SIPA1L2: variants seen among roughly 807,000 people sequenced by gnomAD.
The protein encoded by SIPA1L2 is signal-induced proliferation-associated 1-like protein 2.
In SIPA1L2, 56 loss-of-function variants were observed where a neutral mutation model predicts 163.9. The observed-to-expected ratio is 0.34, with a 90% confidence interval of 0.28 to 0.43. SIPA1L2 has a LOEUF of 0.43. Ranked by LOEUF, SIPA1L2 falls within the 20% of genes least tolerant of loss-of-function variation. The probability of loss-of-function intolerance (pLI) is 1.00; values close to 1 mark genes in which losing one functional copy is unlikely to be tolerated. For synonymous variants in SIPA1L2, 877 were observed against 865.7 expected (o/e 1.01, Z -0.23); for missense variants, 1,974 against 2,193.5 (o/e 0.90, Z 2.00).
intron 7 of SIPA1L2, among the ~76,000 whole-genome samples, chr1:232,474,916 T>C (rs1664965738): frequency 6.6e-6 from 1 of 152,190 alleles, no homozygotes; most frequent in Non-Finnish European, 1.5e-5. Context: ...TGTTAAATTA[T>C]TATTTTAAAC....
chr1:232,625,415 A>G (rs574821956), intron 1 of SIPA1L2, among the ~76,000 whole-genome samples: 1 of 152,380 alleles, frequency 6.6e-6, no homozygotes, highest in East Asian at 1.9e-4. Context: ...GATGGAAAGA[A>G]TCAGCTAAAA....
At chr1:232,567,833 C>T (rs1312921200) in intron 2 of SIPA1L2, among the ~76,000 whole-genome samples, 1 of 152,220 alleles carries the variant, frequency 6.6e-6, no homozygotes, top group Admixed American at 6.5e-5. Flanking sequence ...TTGGGACTTT[C>T]TGCCCCATCC....
At chr1:232,535,546 A>G (rs116788834) in intron 2 of SIPA1L2, among the ~76,000 whole-genome samples, 3,701 of 152,330 alleles carry the variant, frequency 0.024, 66 homozygotes, top group Non-Finnish European at 0.036. Flanking sequence ...TTCTCTAGAA[A>G]AGTTTTCAGT....
intron 15 of SIPA1L2, 56 bp downstream of exon 15, chr1:232,439,052 C>T (rs1662732721): frequency 2.0e-6 from 3 of 1,520,512 alleles, no homozygotes; most frequent in Admixed American, 1.9e-5. Context: ...CCTATCCCAG[C>T]AGGCAGGGCC....
In SIPA1L2 at chr1:232,465,041, A is replaced by G. The variant is rs1361847902; in HGVS notation, c.2619T>C (p.Leu873=). The G allele has an allele frequency of 6.2e-7, 1 of 1,614,204 alleles. No individual in the cohort carries two copies. Among genetic ancestry groups the G allele is most frequent in the Non-Finnish European group, 8.5e-7 (1 of 1,180,038 alleles). ...DFGQSADIEC[L]LGISNEFIML... ...TGATGAACTCATTGGAGATCCCGAG[A>G]AGACATTCAATGTCAGCAGACTGGC... is the stretch of plus-strand genomic sequence containing the variant. The change falls in exon 9 of 23, where the codon CTT becomes CTC. Residue 873 remains leucine, a synonymous_variant. Coordinates refer to ENST00000674635, the MANE Select transcript of SIPA1L2 (RefSeq NM_020808.5). The surrounding 1 kb of genome is among the most constrained non-coding windows in gnomAD (Gnocchi z 4.1).
At chr1:232,601,563 T>TA (rs918103919) in intron 1 of SIPA1L2, among the ~76,000 whole-genome samples, 3 of 152,238 alleles carry the variant, frequency 2.0e-5, no homozygotes, top group African/African-American at 7.2e-5. Context: ...TTCCAGTTTT[T>TA]ATGTGTCTTC....
intron 10 of SIPA1L2, among the ~76,000 whole-genome samples, chr1:232,449,560 TA>T (rs1246668620): frequency 7.0e-6 from 1 of 142,920 alleles, no homozygotes; most frequent in Non-Finnish European, 1.5e-5. Context: ...AAGTTCAATC[TA>T]AAAAGTCCGG....
chr1:232,520,944 T>C (rs564780611), intron 2 of SIPA1L2, among the ~76,000 whole-genome samples: 2 of 152,266 alleles, frequency 1.3e-5, no homozygotes, highest in South Asian at 4.1e-4. Context: ...CCTATTACAG[T>C]AGAATACGAA....
chr1:232,477,675 C>A (rs982700279), intron 7 of SIPA1L2, among the ~76,000 whole-genome samples: 1 of 152,102 alleles, frequency 6.6e-6, no homozygotes, highest in Non-Finnish European at 1.5e-5. Context: ...CTGATTTTTG[C>A]GCATACAATT....
intron 1 of SIPA1L2, among the ~76,000 whole-genome samples, chr1:232,578,184 C>G (rs1660177325): frequency 6.6e-6 from 1 of 151,946 alleles, no homozygotes; most frequent in South Asian, 2.1e-4. Context: ...TTAAGGTTTG[C>G]ACATTTTTTA....
rs1354763532 is a variant in SIPA1L2 at position 232,514,009 on chromosome 1, G to A, written c.1331C>T (p.Ser444Leu). ...FSSGESCSFE[S>L]SLSSHCTNAG... is the part of the protein sequence containing the mutation. ...ATTTGTGCAGTGAGAGCTGAGTGAC[G>A]ATTCGAAAGAGCAGCTTTCCCCAGA... Residue 444 changes from serine (S) to leucine (L), a missense_variant, in exon 3 of 23, where the codon TCG (serine) becomes TTG (leucine). This residue lies in a region of SIPA1L2 where 607 missense variants were observed against 624.0 expected (regional missense o/e 0.97). Transcript: ENST00000674635. The A allele has an allele frequency of 3.7e-6, 6 of 1,614,204 alleles. No individual in the cohort carries two copies. Among genetic ancestry groups the A allele is most frequent in the South Asian group, 3.3e-5 (3 of 91,082 alleles).
intron 10 of SIPA1L2, among the ~76,000 whole-genome samples, chr1:232,447,919 CAG>C (rs1375480223): frequency 2.0e-5 from 3 of 152,130 alleles, no homozygotes; most frequent in Non-Finnish European, 4.4e-5. Flanking sequence ...AATCAGGAAT[CAG>C]AGTTACAAAT....
chr1:232,559,761 C>G (rs1437762021), intron 2 of SIPA1L2, among the ~76,000 whole-genome samples: 1 of 152,000 alleles, frequency 6.6e-6, no homozygotes, highest in African/African-American at 2.4e-5. Flanking sequence ...TAATAGGTTA[C>G]CTGTATAAAA....
At chr1:232,480,154 CGTGTGTGTGTGTGTGTGTGTGTGTGT>C in intron 6 of SIPA1L2, among the ~76,000 whole-genome samples, 1 of 132,740 alleles carries the variant, frequency 7.5e-6, no homozygotes, top group South Asian at 2.5e-4. Context: ...TGTGTGTGTG[CGTGTGTGTGTGTGTGTGTGTGTGTGT>C]GTGTGTGTGT....
At chr1:232,417,799 T>C (rs1661345464) in intron 18 of SIPA1L2, among the ~76,000 whole-genome samples, 1 of 152,186 alleles carries the variant, frequency 6.6e-6, no homozygotes, top group South Asian at 2.1e-4. Flanking sequence ...AAATTAAATA[T>C]GGAGGCAGCA....
At chr1:232,479,874 TTCA>T (rs1665237303) in intron 6 of SIPA1L2, 144 bp from the exon 7 acceptor site, 1 of 642,102 alleles carries the variant, frequency 1.6e-6, no homozygotes, top group African/African-American at 1.8e-5. Context: ...CCATCCAGCT[TTCA>T]TCAAGCACTG....
chr1:232,515,178 C>T lies in SIPA1L2; in HGVS notation c.162G>A (p.Ser54=), dbSNP rs111425709. 937 of 1,614,116 alleles carry T rather than the reference C, an allele frequency of 5.8e-4. 6 individuals are homozygous for T. The highest frequency in any genetic ancestry group is 5.0e-3 in the South Asian group (456 of 91,072). Residue 54 remains serine (S), a synonymous_variant, in exon 3 of 23, where the codon TCG becomes TCA. Coordinates refer to ENST00000674635, the MANE Select transcript of SIPA1L2 (RefSeq NM_020808.5). ...NMGPTTSLNA[S]NSNETGGGGP... The stretch of plus-strand genomic sequence containing the variant: ...CACCACCGCCAGTCTCATTGGAATT[C>T]GAGGCATTTAAAGAAGTAGTGGGTC...
At chr1:232,411,591 CT>C (rs146919244) in intron 19 of SIPA1L2, among the ~76,000 whole-genome samples, 35 of 146,690 alleles carry the variant, frequency 2.4e-4, no homozygotes, top group Admixed American at 2.0e-4. Context: ...TTGCCAGTTG[CT>C]TTTTTTTTTA....
intron 2 of SIPA1L2, among the ~76,000 whole-genome samples, chr1:232,542,632 A>G (rs1183145382): frequency 6.6e-6 from 1 of 152,010 alleles, no homozygotes; most frequent in Non-Finnish European, 1.5e-5. Context: ...TGTACTTCCC[A>G]CTCTCCAAGA....
Sources: allele counts gnomAD v4.1 joint callset (sites outside exome capture counted in the v4.1 genomes callset), GRCh38; gene constraint gnomAD v4.1.1; regional missense constraint gnomAD v4.1.1; non-coding constraint Gnocchi (gnomAD v3.1); transcripts MANE v1.5; gene names NCBI Gene and HGNC (gene_info 2026-07-23, HGNC 2026-07-21).